LMX1A: variants seen among roughly 807,000 people sequenced by gnomAD.
The protein encoded by LMX1A is LIM homeobox transcription factor 1-alpha.
A neutral mutation model predicts 49.1 loss-of-function variants in LMX1A; 15 were observed. That is an observed-to-expected ratio of 0.31 (90% CI 0.20 to 0.47). LMX1A has a LOEUF of 0.47. Among genes scored for constraint, LMX1A ranks in the 20% least tolerant of loss-of-function variants. The pLI is 1.00. For missense variants in LMX1A, 372 were observed against 475.8 expected (o/e 0.78, Z 2.03); for synonymous variants, 167 against 185.7 (o/e 0.90, Z 0.82).
chr1:165,270,182 A>G (rs1014318857), intron 3 of LMX1A, among the ~76,000 whole-genome samples: 5 of 152,186 alleles, frequency 3.3e-5, no homozygotes, highest in Non-Finnish European at 7.3e-5. Context: ...TGGGAAAGTG[A>G]AGACTTTGGT....
chr1:165,279,116 C>T (rs1465628375), intron 3 of LMX1A, among the ~76,000 whole-genome samples: 1 of 152,218 alleles, frequency 6.6e-6, no homozygotes, highest in African/African-American at 2.4e-5. Context: ...TACATTTTCC[C>T]TCATCAATGA....
chr1:165,315,544 AG>A (rs1330298866), intron 3 of LMX1A, among the ~76,000 whole-genome samples: 1 of 152,256 alleles, frequency 6.6e-6, no homozygotes, highest in Admixed American at 6.5e-5. Context: ...GAGCCAGCAA[AG>A]TGGAAATTAT....
At chr1:165,211,197 AT>A (rs1651372993) in intron 5 of LMX1A, 1 of 153,088 alleles carries the variant, frequency 6.5e-6, no homozygotes, top group Non-Finnish European at 1.5e-5. Flanking sequence ...GCCTAAATTC[AT>A]TGACCTTAAT....
At chr1:165,274,137 C>T (rs2101698641) in intron 3 of LMX1A, among the ~76,000 whole-genome samples, 1 of 152,292 alleles carries the variant, frequency 6.6e-6, no homozygotes, top group South Asian at 2.1e-4. Context: ...CTGGACAGTG[C>T]ACACCTGCCT....
intron 4 of LMX1A, among the ~76,000 whole-genome samples, chr1:165,216,392 T>G (rs183071745): frequency 6.6e-6 from 1 of 152,286 alleles, no homozygotes; most frequent in African/African-American, 2.4e-5. Context: ...AGCAATTCTC[T>G]CTGGTGGTGA....
At chr1:165,288,539 T>C (rs1654364076) in intron 3 of LMX1A, among the ~76,000 whole-genome samples, 2 of 152,056 alleles carry the variant, frequency 1.3e-5, no homozygotes, top group Non-Finnish European at 2.9e-5. Flanking sequence ...CCTGGGCCGG[T>C]CCTGCAAGCA....
intron 3 of LMX1A, among the ~76,000 whole-genome samples, chr1:165,304,365 T>A (rs1654866425): frequency 6.6e-6 from 1 of 152,200 alleles, no homozygotes. Flanking sequence ...CCATGAGAGT[T>A]GGTTCAGGCT....
chr1:165,314,361 T>C (rs1655160714), intron 3 of LMX1A, among the ~76,000 whole-genome samples: 1 of 152,176 alleles, frequency 6.6e-6, no homozygotes, highest in African/African-American at 2.4e-5. Context: ...AACTTCACCT[T>C]TATGCTTGCA....
At chr1:165,254,584 AC>A (rs1653169395) in intron 3 of LMX1A, among the ~76,000 whole-genome samples, 1 of 152,216 alleles carries the variant, frequency 6.6e-6, no homozygotes, top group African/African-American at 2.4e-5. Flanking sequence ...CTGTACGGCT[AC>A]CGCTGTGGAC....
chr1:165,261,210 C>T lies in LMX1A; in HGVS notation c.264-11570G>A, dbSNP rs149560712. 3.2e-3 allele frequency among the ~76,000 whole-genome samples: 487 copies of T among 152,208 alleles called. 4 individuals are homozygous for T. The highest frequency in any genetic ancestry group is 0.011 in the African/African-American group (455 of 41,552). On this transcript the variant is annotated intron_variant, in intron 3 of 8. Transcript: ENST00000342310. Reference sequence around the variant, plus strand: ...ATAGAAGTTTCAATAAAGTCTGATCCGGTGGAAGTGACACCGTTCTTGTTT... The same window carrying T: ...ATAGAAGTTTCAATAAAGTCTGATCTGGTGGAAGTGACACCGTTCTTGTTT...
intron 3 of LMX1A, among the ~76,000 whole-genome samples, chr1:165,325,736 G>C (rs1655558446): frequency 6.6e-6 from 1 of 152,124 alleles, no homozygotes; most frequent in Non-Finnish European, 1.5e-5. Flanking sequence ...TCAAACACCA[G>C]CAAGCCTCAG....
At chr1:165,339,627 C>T (rs1421049510) in intron 3 of LMX1A, among the ~76,000 whole-genome samples, 1 of 152,196 alleles carries the variant, frequency 6.6e-6, no homozygotes, top group Non-Finnish European at 1.5e-5. Context: ...GAGAAGCTCT[C>T]ACCTACTGAG....
intron 3 of LMX1A, among the ~76,000 whole-genome samples, chr1:165,341,606 A>ATT (rs1167804227): frequency 1.3e-5 from 2 of 151,362 alleles, no homozygotes; most frequent in Admixed American, 6.6e-5. Context: ...ATATATATAT[A>ATT]TATATTTCAA....
chr1:165,281,766 G>GTC (rs1654160199), intron 3 of LMX1A, among the ~76,000 whole-genome samples: 3 of 152,164 alleles, frequency 2.0e-5, no homozygotes, highest in African/African-American at 7.2e-5. Context: ...GTGTGTGTGT[G>GTC]TGTGTGTGTG....
At chr1:165,268,140 C>A (rs1653684361) in intron 3 of LMX1A, among the ~76,000 whole-genome samples, 2 of 151,976 alleles carry the variant, frequency 1.3e-5, no homozygotes, top group South Asian at 4.2e-4. Context: ...TGAGTGTCAG[C>A]CTTAACTTAG....
chr1:165,204,526 A>G (rs935245027), intron 8 of LMX1A, among the ~76,000 whole-genome samples: 9 of 152,258 alleles, frequency 5.9e-5, no homozygotes, highest in Non-Finnish European at 1.3e-4. Context: ...AATGCAAAGA[A>G]AAGGAAGGTT....
At chr1:165,221,974 C>T (rs752645809) in intron 4 of LMX1A, among the ~76,000 whole-genome samples, 3 of 152,012 alleles carry the variant, frequency 2.0e-5, no homozygotes, top group Non-Finnish European at 2.9e-5. Flanking sequence ...CTTTCTCTCT[C>T]TCTCCATCAT....
intron 6 of LMX1A, among the ~76,000 whole-genome samples, chr1:165,208,758 T>C (rs1651214042): frequency 6.6e-6 from 1 of 152,184 alleles, no homozygotes; most frequent in Non-Finnish European, 1.5e-5. Context: ...GCCATTCTCC[T>C]GCCTCAGCCT....
intron 3 of LMX1A, among the ~76,000 whole-genome samples, chr1:165,341,985 A>T (rs1393886082): frequency 6.6e-6 from 1 of 152,212 alleles, no homozygotes; most frequent in Non-Finnish European, 1.5e-5. Context: ...GTGTTACCTG[A>T]AATCTCTAGT....
Sources: allele counts gnomAD v4.1 joint callset (sites outside exome capture counted in the v4.1 genomes callset), GRCh38; gene constraint gnomAD v4.1.1; transcripts MANE v1.5; gene names NCBI Gene and HGNC (gene_info 2026-07-23, HGNC 2026-07-21).